The following TNKS variants were observed in gnomAD, a reference collection of about 807,000 sequenced individuals.
TNKS encodes the protein tankyrase, also known as poly [ADP-ribose] polymerase tankyrase-1.
A neutral mutation model predicts 135.8 loss-of-function variants in TNKS; 72 were observed. That is an observed-to-expected ratio of 0.53 (90% confidence interval 0.44 to 0.64). TNKS has a LOEUF of 0.64. Ranked by LOEUF, TNKS falls within the 30% of genes least tolerant of loss-of-function variation. TNKS has a pLI of 0.00. For missense variants in TNKS, 1,769 were observed against 1,674.0 expected, an observed-to-expected ratio of 1.06 and a Z score of -0.99; for synonymous variants, 849 against 649.3, an observed-to-expected ratio of 1.31 and a Z score of -4.68.
intron 2 of TNKS, among the ~76,000 whole-genome samples, chr8:9,593,534 T>G (rs1005880782): frequency 6.6e-6 from 1 of 152,134 alleles, no homozygotes; most frequent in African/African-American, 2.4e-5. Flanking sequence ...AAACTTAAGG[T>G]GGAAAATAAT....
At chr8:9,631,682 T>G (rs1392642905) in intron 3 of TNKS, among the ~76,000 whole-genome samples, 1 of 152,170 alleles carries the variant, frequency 6.6e-6, no homozygotes, top group East Asian at 1.9e-4. Context: ...TCCAACTCTT[T>G]TTTTGACTTT....
intron 5 of TNKS, among the ~76,000 whole-genome samples, chr8:9,699,939 C>G (rs1023500709): frequency 6.6e-6 from 1 of 152,228 alleles, no homozygotes; most frequent in Non-Finnish European, 1.5e-5. Flanking sequence ...TTAAGTTTCT[C>G]AAATATACCT....
intron 2 of TNKS, among the ~76,000 whole-genome samples, chr8:9,594,141 C>T (rs1450836795): frequency 6.6e-6 from 1 of 152,158 alleles, no homozygotes; most frequent in Non-Finnish European, 1.5e-5. Flanking sequence ...CCTGCCTCGG[C>T]CTCCCAAAGT....
chr8:9,751,891 G>A (rs1806560479), intron 19 of TNKS, 45 bp downstream of exon 19: 1 of 1,574,940 alleles, frequency 6.3e-7, no homozygotes, highest in Admixed American at 1.7e-5. Flanking sequence ...CCTTTTGTTA[G>A]TGGAGCAGAA....
chr8:9,606,395 C>G (rs1188715648), intron 2 of TNKS, among the ~76,000 whole-genome samples: 6 of 151,982 alleles, frequency 3.9e-5, no homozygotes, highest in African/African-American at 1.4e-4. Context: ...TAACTTGCAA[C>G]TCCAATAATT....
At chr8:9,680,867 T>C in intron 5 of TNKS, 67 bp downstream of exon 5, 1 of 1,203,872 alleles carries the variant, frequency 8.3e-7, no homozygotes, top group South Asian at 1.2e-5. Context: ...GTGGCATATA[T>C]ATATATAAGC....
intron 3 of TNKS, among the ~76,000 whole-genome samples, chr8:9,649,918 C>G (rs369009309): frequency 9.7e-5 from 11 of 112,838 alleles, no homozygotes; most frequent in African/African-American, 3.3e-4. Context: ...GAGATGGAGC[C>G]TCACTCTGTT....
At chr8:9,730,826 G>T in intron 13 of TNKS, 64 bp from the exon 14 acceptor site, 1 of 1,551,312 alleles carries the variant, frequency 6.4e-7, no homozygotes, top group East Asian at 2.3e-5. Flanking sequence ...CTATTTTGGG[G>T]CAAAACCTGT....
intron 26 of TNKS, among the ~76,000 whole-genome samples, chr8:9,774,704 G>A (rs1029949059): frequency 1.3e-5 from 2 of 152,284 alleles, no homozygotes; most frequent in South Asian, 4.1e-4. Flanking sequence ...GGAGCATTTA[G>A]ATAAGGACCT....
chr8:9,620,847 GT>G (rs1799840472), intron 3 of TNKS, among the ~76,000 whole-genome samples: 1 of 152,158 alleles, frequency 6.6e-6, no homozygotes, highest in Non-Finnish European at 1.5e-5. Flanking sequence ...ATTGCATTGT[GT>G]TGTTGTTATT....
chr8:9,640,038 G>A (rs1364079325), intron 3 of TNKS, among the ~76,000 whole-genome samples: 1 of 152,246 alleles, frequency 6.6e-6, no homozygotes, highest in East Asian at 1.9e-4. Flanking sequence ...TAGCTAAAAA[G>A]TGCCTATACA....
chr8:9,576,707 C>G (rs1797962734), intron 1 of TNKS, among the ~76,000 whole-genome samples: 2 of 151,950 alleles, frequency 1.3e-5, no homozygotes, highest in Admixed American at 6.6e-5. Context: ...ATGGGGATTC[C>G]AATTCAACAT....
intron 13 of TNKS, among the ~76,000 whole-genome samples, chr8:9,728,938 A>T (rs1392190849): frequency 2.0e-5 from 3 of 152,192 alleles, no homozygotes; most frequent in Non-Finnish European, 4.4e-5. Context: ...TTGTGCTGCT[A>T]TAAAAAAATA....
At chr8:9,707,363 C>A (rs532864039) in intron 8 of TNKS, among the ~76,000 whole-genome samples, 1 of 152,144 alleles carries the variant, frequency 6.6e-6, no homozygotes, top group Admixed American at 6.5e-5. Context: ...GGCTTACATT[C>A]TTGTGCTATT....
At chr8:9,753,321 GTAGTACTTAGACAAC>G (rs1222531560) in intron 20 of TNKS, among the ~76,000 whole-genome samples, 1 of 152,154 alleles carries the variant, frequency 6.6e-6, no homozygotes, top group Non-Finnish European at 1.5e-5. Context: ...GGAAAGCACA[GTAGTACTTAGACAAC>G]TGCACTTTTA....
At chr8:9,628,499 G>A (rs916044668) in intron 3 of TNKS, among the ~76,000 whole-genome samples, 1 of 151,692 alleles carries the variant, frequency 6.6e-6, no homozygotes, top group South Asian at 2.1e-4. Context: ...TGACTTGCAA[G>A]GTACAAATTC....
intron 2 of TNKS, among the ~76,000 whole-genome samples, chr8:9,614,930 C>T (rs1563118404): frequency 6.6e-6 from 1 of 152,200 alleles, no homozygotes; most frequent in Non-Finnish European, 1.5e-5. Flanking sequence ...GCAGGCATTA[C>T]ATTCGTGCCT....
chr8:9,636,806 A>G (rs751929628), intron 3 of TNKS, among the ~76,000 whole-genome samples: 3 of 152,206 alleles, frequency 2.0e-5, no homozygotes, highest in African/African-American at 7.2e-5. Flanking sequence ...AGTACTAACT[A>G]GTTCCCAGAA....
chr8:9,606,757 T>G (rs895957269), intron 2 of TNKS, among the ~76,000 whole-genome samples: 1 of 152,154 alleles, frequency 6.6e-6, no homozygotes, highest in African/African-American at 2.4e-5. Flanking sequence ...TAATTTTTTA[T>G]TCAGTAGTGG....
Sources: gnomAD v4.1 joint callset for allele counts (sites outside exome capture counted in the v4.1 genomes callset) on GRCh38, gnomAD v4.1.1 for gene constraint, MANE v1.5 for transcripts, NCBI Gene and HGNC (gene_info 2026-07-23, HGNC 2026-07-21) for gene names.